Variants in TRPC7 observed in about 807,000 individuals in gnomAD.
The protein encoded by TRPC7 is short transient receptor potential channel 7.
In TRPC7, 42 loss-of-function variants were observed where a neutral mutation model predicts 90.1. That is an observed-to-expected ratio of 0.47 (90% CI 0.36 to 0.60). TRPC7 has a LOEUF of 0.60. TRPC7 is among the 20% of genes least tolerant of loss of function. The pLI is 0.00. For missense variants in TRPC7, 955 were observed against 1,112.3 expected (o/e 0.86, Z 2.01); for synonymous variants, 451 against 436.3 (o/e 1.03, Z -0.42).
In TRPC7 at chr5:136,216,097, A is replaced by G. The variant is rs181328952; in HGVS notation, c.2419+103T>C. ...GACTGAGCCTCCCTGGAGCCTCTGG[A>G]AAGGAGCACAGTGCCCTGACAACAC... On this transcript the variant is annotated intron_variant, in intron 11 of 11. Coordinates refer to ENST00000513104, the MANE Select transcript of TRPC7 (RefSeq NM_020389.3). 550 of 943,838 alleles carry G rather than the reference A, an allele frequency of 5.8e-4. 3 individuals are homozygous for G. In the African/African-American group the frequency reaches 7.7e-3, roughly 13 times the overall value. The allele number at this position is 943,838 out of a possible 1,614,324, so 58.5% of individuals were successfully genotyped here.
chr5:136,360,524 A>G (rs1314415943), intron 1 of TRPC7, among the ~76,000 whole-genome samples: 1 of 152,214 alleles, frequency 6.6e-6, no homozygotes, highest in African/African-American at 2.4e-5. Flanking sequence ...AAATGTCCTC[A>G]CCATTTGACA....
At chr5:136,291,092 G>C (rs1757930116) in intron 3 of TRPC7, among the ~76,000 whole-genome samples, 1 of 152,192 alleles carries the variant, frequency 6.6e-6, no homozygotes, top group Non-Finnish European at 1.5e-5. Flanking sequence ...AGCAAATGCT[G>C]AGAGATTTAG....
Position 136,313,557 on chromosome 5 carries a change from T to C in TRPC7, c.963+2040A>G, listed in dbSNP as rs554421455. ...AATTAAAAATGGAAGCCCATTGTAATATTAATAAGACTTTTAAATATTGGT... is the reference window on the plus strand; with the variant it reads ...AATTAAAAATGGAAGCCCATTGTAACATTAATAAGACTTTTAAATATTGGT... On this transcript the variant is annotated intron_variant, in intron 3 of 11. Coordinates refer to ENST00000513104, the MANE Select transcript of TRPC7 (RefSeq NM_020389.3). 3.9e-5 allele frequency among the ~76,000 whole-genome samples: 6 copies of C among 152,356 alleles called. No individual in the cohort carries two copies. In the East Asian group the frequency reaches 5.8e-4, roughly 15 times the overall value.
At chr5:136,329,986 T>C (rs1024465812) in intron 2 of TRPC7, among the ~76,000 whole-genome samples, 1 of 151,962 alleles carries the variant, frequency 6.6e-6, no homozygotes, top group Non-Finnish European at 1.5e-5. Context: ...CACATACACA[T>C]ACCCACACAC....
rs569712144 is a variant in TRPC7, at chr5:136,352,059, G to A, written c.780+4549C>T. ...TTTGTCAACAGGAAGAGCCTTCTTA[G>A]TTGTAGCTTTGTTATTCTTTAGAAC... On this transcript the variant is annotated intron_variant, in intron 2 of 11. Transcript: ENST00000513104. Among the ~76,000 whole-genome samples, 6 of 152,276 alleles carry A rather than the reference G, an allele frequency of 3.9e-5. No homozygotes were observed. In the South Asian group the frequency reaches 1.2e-3, roughly 32 times the overall value.
intron 5 of TRPC7, among the ~76,000 whole-genome samples, chr5:136,255,389 T>G (rs2149807505): frequency 6.6e-6 from 1 of 152,334 alleles, no homozygotes; most frequent in Admixed American, 6.5e-5. Flanking sequence ...CCATCAACAT[T>G]GAGCCAAGAC....
intron 2 of TRPC7, among the ~76,000 whole-genome samples, chr5:136,333,538 G>A (rs545532384): frequency 1.3e-5 from 2 of 152,274 alleles, no homozygotes; most frequent in South Asian, 4.2e-4. Context: ...AGAATATCAT[G>A]GTCTGATTTA....
intron 2 of TRPC7, among the ~76,000 whole-genome samples, chr5:136,355,397 A>G (rs531658358): frequency 2.0e-5 from 3 of 152,360 alleles, no homozygotes; most frequent in Non-Finnish European, 4.4e-5. Context: ...GTGCCGTCAT[A>G]TAAAATGAGG....
At position 136,274,936 on chromosome 5, in the gene TRPC7, A is replaced by G. The variant is rs527472015; in HGVS notation, c.964-99T>C. The G allele has an allele frequency of 1.6e-4, 221 of 1,348,968 alleles. 2 individuals carry two copies. The South Asian group carries it at 3.1e-3, about 19-fold the overall frequency. The allele number at this position is 1,348,968 out of a possible 1,614,324, so 83.6% of individuals were successfully genotyped here. A position where few individuals can be genotyped will look rare whatever the true frequency, so the allele number is the denominator to read the frequency against. On this transcript the variant is annotated intron_variant, in intron 3 of 11. Coordinates refer to ENST00000513104, the MANE Select transcript of TRPC7 (RefSeq NM_020389.3). Reference sequence around the variant, plus strand: ...AACCTAGGAGTAGCTGGGGGCTGAAATGCTCCACCTGGGGGGTGGTTGAGG... The same window carrying G: ...AACCTAGGAGTAGCTGGGGGCTGAAGTGCTCCACCTGGGGGGTGGTTGAGG...
chr5:136,275,781 T>G (rs1487631393), intron 3 of TRPC7, among the ~76,000 whole-genome samples: 1 of 152,196 alleles, frequency 6.6e-6, no homozygotes, highest in African/African-American at 2.4e-5. Flanking sequence ...TTTAGGACTA[T>G]GTTGAGAGAG....
chr5:136,361,828 C>A (rs188637324), intron 1 of TRPC7, among the ~76,000 whole-genome samples: 4 of 152,178 alleles, frequency 2.6e-5, no homozygotes, highest in Admixed American at 1.3e-4. Flanking sequence ...TAGTCTAGAG[C>A]AACAGTGATG....
In TRPC7 at chr5:136,356,662, G is replaced by A. The variant is rs2149861431; in HGVS notation, c.726C>T (p.Ala242=). 1.3e-6 allele frequency: 2 copies of A among 1,579,720 alleles called. No individual in the cohort carries two copies. The highest frequency in any genetic ancestry group is 1.7e-6 in the Non-Finnish European group (2 of 1,161,962). The change falls in exon 2 of 12, where the codon GCC becomes GCT. Residue 242 remains alanine (A), a synonymous_variant. Transcript: ENST00000513104. ...SLSSEDPVLT[A]LELSNELARL... is the part of the protein sequence containing the mutation. ...TGGCTAACTCGTTGCTGAGCTCCAG[G>A]GCGGTGAGGACAGGGTCTTCGCTGG...
At chr5:136,305,340 C>T (rs1056128504) in intron 3 of TRPC7, among the ~76,000 whole-genome samples, 2 of 152,028 alleles carry the variant, frequency 1.3e-5, no homozygotes, top group East Asian at 1.9e-4. Flanking sequence ...CAAAGGCAGG[C>T]TATGCTATAG....
At position 136,356,857 on chromosome 5, in the gene TRPC7, A is replaced by G; in HGVS notation, c.531T>C (p.Tyr177=). ...PIILAAHCQE[Y]EIVHILLLKG... is the part of the protein sequence containing the mutation. ...TGAGCAGCAGGATGTGCACGATCTC[A>G]TACTCCTGGCAGTGCGCCGCCAGGA... The change falls in exon 2 of 12, where the codon TAT becomes TAC. Residue 177 remains tyrosine, a synonymous_variant. Coordinates refer to ENST00000513104, the MANE Select transcript of TRPC7 (RefSeq NM_020389.3). 1 of 1,613,892 alleles carries G rather than the reference A, an allele frequency of 6.2e-7. No individual in the cohort carries two copies. Among genetic ancestry groups the G allele is most frequent in the Non-Finnish European group, 8.5e-7 (1 of 1,179,914 alleles).
chr5:136,329,443 G>T (rs1389658607), intron 2 of TRPC7, among the ~76,000 whole-genome samples: 2 of 152,116 alleles, frequency 1.3e-5, no homozygotes. Context: ...TTGCGACAGG[G>T]TTGGGGCATG....
intron 3 of TRPC7, among the ~76,000 whole-genome samples, chr5:136,293,511 G>A (rs1054584737): frequency 6.6e-6 from 1 of 152,156 alleles, no homozygotes; most frequent in African/African-American, 2.4e-5. Flanking sequence ...CAAACAGAGA[G>A]CCAAATCATG....
rs148853991 is a variant in TRPC7 at position 136,307,155 on chromosome 5, T to A, written c.963+8442A>T. On this transcript the variant is annotated intron_variant, in intron 3 of 11. Coordinates refer to ENST00000513104, the MANE Select transcript of TRPC7 (RefSeq NM_020389.3). Reference sequence around the variant, plus strand: ...CATTTCTATGGTGAGACATGAAAATTTACTTTCTTACTTATTTTGAAATAT... The same window carrying A: ...CATTTCTATGGTGAGACATGAAAATATACTTTCTTACTTATTTTGAAATAT... 5.3e-5 allele frequency among the ~76,000 whole-genome samples: 8 copies of A among 152,374 alleles called. No homozygotes were observed. In the East Asian group the frequency reaches 1.2e-3, roughly 22 times the overall value.
intron 3 of TRPC7, among the ~76,000 whole-genome samples, chr5:136,300,354 G>A (rs879835747): frequency 6.6e-6 from 1 of 152,182 alleles, no homozygotes; most frequent in African/African-American, 2.4e-5. Flanking sequence ...CATGTGTGGT[G>A]GGAGTACTCC....
chr5:136,231,148 C>T (rs1259479576), intron 8 of TRPC7, among the ~76,000 whole-genome samples: 1 of 152,172 alleles, frequency 6.6e-6, no homozygotes, highest in African/African-American at 2.4e-5. Context: ...CTCGCTGGGC[C>T]TCATGGTGGT....
Sources: allele counts gnomAD v4.1 joint callset (sites outside exome capture counted in the v4.1 genomes callset), GRCh38; gene constraint gnomAD v4.1.1; transcripts MANE v1.5; gene names NCBI Gene and HGNC (gene_info 2026-07-23, HGNC 2026-07-21).